The following LNX1 variants were observed in gnomAD, a reference collection of about 807,000 sequenced individuals.
LNX1 encodes the protein ligand of numb-protein X 1.
LNX1 carries 54 observed loss-of-function variants against 68.4 expected under a neutral mutation model. The observed-to-expected ratio is 0.79, with a 90% CI of 0.63 to 0.99. The LOEUF (loss-of-function observed/expected upper bound fraction) is 0.99. LNX1 is among the 50% of genes least tolerant of loss of function. LNX1 has a pLI of 0.00. For synonymous variants in LNX1, 336 were observed against 350.0 expected, an observed-to-expected ratio of 0.96 and a Z score of 0.45; for missense variants, 906 against 926.4, an observed-to-expected ratio of 0.98 and a Z score of 0.29.
intron 1 of LNX1, chr4:53,575,568 G>T (rs1215113977): frequency 4.8e-6 from 6 of 1,257,576 alleles, no homozygotes; most frequent in Non-Finnish European, 6.0e-6. Flanking sequence ...GCAAACTAGG[G>T]CTCTGGGTCA....
intron 9 of LNX1, among the ~76,000 whole-genome samples, chr4:53,469,112 TA>T (rs1183728269): frequency 3.3e-5 from 5 of 152,110 alleles, no homozygotes; most frequent in African/African-American, 1.2e-4. Flanking sequence ...TCAGCAAATG[TA>T]AAAGAACAGA....
intron 2 of LNX1, among the ~76,000 whole-genome samples, chr4:53,597,944 C>G (rs1732827945): frequency 6.6e-6 from 1 of 152,110 alleles, no homozygotes; most frequent in Non-Finnish European, 1.5e-5. Context: ...TTGCCTAGAT[C>G]AATGTTATGC....
chr4:53,532,359 C>T (rs1024874661), intron 2 of LNX1, among the ~76,000 whole-genome samples: 43 of 152,170 alleles, frequency 2.8e-4, no homozygotes, highest in African/African-American at 8.7e-4. Context: ...ACTGTAGCCC[C>T]GGCTACTCGG....
At position 53,608,560 on chromosome 4, in the gene LNX1, C is replaced by T. The variant is rs547575251; in HGVS notation, c.-215+7957G>A. 2.6e-5 allele frequency among the ~76,000 whole-genome samples: 4 copies of T among 152,258 alleles called. No homozygotes were observed. The East Asian group carries it at 7.7e-4, about 29-fold the overall frequency. On this transcript the variant is annotated intron_variant, in intron 2 of 3. Transcript: ENST00000504299. Reference sequence around the variant, plus strand: ...ACCGTGGAAAGCAGTGTGGAGATTTCTCACAGAATTCAAAGCAGGATTACC... The same window carrying T: ...ACCGTGGAAAGCAGTGTGGAGATTTTTCACAGAATTCAAAGCAGGATTACC...
intron 1 of LNX1, among the ~76,000 whole-genome samples, chr4:53,637,774 A>G (rs567310402): frequency 1.3e-5 from 2 of 152,324 alleles, no homozygotes; most frequent in East Asian, 3.9e-4. Flanking sequence ...AGTGTCTTAG[A>G]ATTAATGAAA....
chr4:53,492,702 G>A (rs1488174856), intron 6 of LNX1, among the ~76,000 whole-genome samples: 1 of 152,164 alleles, frequency 6.6e-6, no homozygotes, highest in East Asian at 1.9e-4. Context: ...AGACGCTGAG[G>A]TGAGTCAAAG....
intron 4 of LNX1, among the ~76,000 whole-genome samples, chr4:53,499,605 T>G (rs978710283): frequency 6.6e-6 from 1 of 152,232 alleles, no homozygotes; most frequent in African/African-American, 2.4e-5. Flanking sequence ...TGAATCATTT[T>G]TAATGGAATG....
chr4:53,606,319 G>C (rs1406207736), intron 2 of LNX1, among the ~76,000 whole-genome samples: 1 of 152,010 alleles, frequency 6.6e-6, no homozygotes, highest in Non-Finnish European at 1.5e-5. Flanking sequence ...ATGCACACAA[G>C]CTAGGAAACC....
At chr4:53,574,267 G>T (rs549544020) in intron 1 of LNX1, among the ~76,000 whole-genome samples, 179 bp from the exon 2 acceptor site, 1 of 152,174 alleles carries the variant, frequency 6.6e-6, no homozygotes, top group Non-Finnish European at 1.5e-5. Flanking sequence ...TGGCCTCCTC[G>T]TGCCTCTGTT....
In LNX1 at chr4:53,476,851, C is replaced by T. The variant is rs372164985; in HGVS notation, c.1794G>A (p.Gln598=). The T allele has an allele frequency of 6.2e-7, 1 of 1,614,170 alleles. No individual in the cohort carries two copies. Among genetic ancestry groups the T allele is most frequent in the Non-Finnish European group, 8.5e-7 (1 of 1,180,022 alleles). ...KALEVKEYEP[Q]EDCSSPAALD... ...GGGCTGCTGGGCTGCTGCAGTCTTC[C>T]TGGGGCTCATACTCTTTGACTTCCA... Residue 598 remains glutamine (Q), a synonymous_variant, in exon 9 of 11, where the codon CAG becomes CAA. Transcript: ENST00000263925.
intron 2 of LNX1, among the ~76,000 whole-genome samples, chr4:53,546,306 A>G (rs1729116378): frequency 6.6e-6 from 1 of 152,192 alleles, no homozygotes; most frequent in Admixed American, 6.5e-5. Context: ...GGTCGAGGAA[A>G]TCCCATGTTA....
intron 2 of LNX1, among the ~76,000 whole-genome samples, chr4:53,602,351 C>T (rs187455160): frequency 2.0e-5 from 3 of 152,090 alleles, no homozygotes; most frequent in East Asian, 1.9e-4. Flanking sequence ...GACCACCATC[C>T]GATCTGACAC....
chr4:53,544,188 TTC>T lies in LNX1; in HGVS notation c.380+29433_380+29434del, dbSNP rs199877213. Among the ~76,000 whole-genome samples the T allele has an allele frequency of 8.0e-3, 1,209 of 151,718 alleles. 12 individuals are homozygous for T. Among genetic ancestry groups the T allele is most frequent in the African/African-American group, 0.026 (1,087 of 41,400 alleles). On this transcript the variant is annotated intron_variant, in intron 2 of 10. Transcript: ENST00000263925. ...TAGTAAGCACCTGAGAGGTGCTGAT[TTC>T]TCTCTCTCTCTCTCTTTTTTTTTTG...
rs534852453 is a variant in LNX1, at chr4:53,575,124, G to C, written c.-86-1036C>G. ...AGCTTCCTGAGTAGCTGGGATTACA[G>C]GCGCGCGCCACCATGCCTGGCTAAT... is the stretch of plus-strand genomic sequence containing the variant. On this transcript the variant is annotated intron_variant, in intron 1 of 10. Coordinates refer to ENST00000263925, the MANE Select transcript of LNX1 (RefSeq NM_001126328.3). Among the ~76,000 whole-genome samples the C allele has an allele frequency of 9.9e-5, 15 of 152,212 alleles. No individual in the cohort carries two copies. The East Asian group carries it at 1.9e-3, about 20-fold the overall frequency.
At position 53,573,617 on chromosome 4, in the gene LNX1, A is replaced by G; in HGVS notation, c.380+6T>C. 1 of 1,589,636 alleles carries G rather than the reference A, an allele frequency of 6.3e-7. No individual in the cohort carries two copies. Among genetic ancestry groups the G allele is most frequent in the South Asian group, 1.1e-5 (1 of 87,158 alleles). ...GGACTTACCGGCTCGCTGATGGGGG[A>G]CCTACCTGGTTTGAAAGTGATGCTC... On this transcript the variant is annotated splice_donor_region_variant and intron_variant, in intron 2 of 10. Coordinates refer to ENST00000263925, the MANE Select transcript of LNX1 (RefSeq NM_001126328.3).
intron 2 of LNX1, among the ~76,000 whole-genome samples, chr4:53,514,016 C>G (rs1268638159): frequency 2.0e-5 from 3 of 152,188 alleles, no homozygotes; most frequent in Admixed American, 6.5e-5. Context: ...TTGCTGCTGC[C>G]CCTGCTGCCT....
chr4:53,515,175 C>T (rs182003167), intron 2 of LNX1, among the ~76,000 whole-genome samples: 18 of 152,284 alleles, frequency 1.2e-4, no homozygotes, highest in Middle Eastern at 3.4e-3. Flanking sequence ...GGCTTCCTCA[C>T]ATTAGTGCCA....
rs771854110 is a variant in LNX1, at chr4:53,588,984, C to G, written c.-87+2404G>C. ...CCTCCTTCTATGGTACAATGAGGCT[C>G]CAAACCAGGGGCTTCCTCCTGCCAG... On this transcript the variant is annotated intron_variant, in intron 1 of 10. Transcript: ENST00000263925. 4.6e-5 allele frequency among the ~76,000 whole-genome samples: 7 copies of G among 152,316 alleles called. No homozygotes were observed. The East Asian group carries it at 9.7e-4, about 21-fold the overall frequency.
chr4:53,545,504 T>G (rs1369559882), intron 2 of LNX1, among the ~76,000 whole-genome samples: 2 of 152,222 alleles, frequency 1.3e-5, no homozygotes, highest in Non-Finnish European at 2.9e-5. Context: ...TCAGCCTCAA[T>G]AAATCAGAGT....
Sources: allele counts gnomAD v4.1 joint callset (sites outside exome capture counted in the v4.1 genomes callset), GRCh38; gene constraint gnomAD v4.1.1; transcripts MANE v1.5; gene names NCBI Gene and HGNC (gene_info 2026-07-23, HGNC 2026-07-21).